Variants in WASHC2C observed in about 807,000 individuals in gnomAD.
WASHC2C encodes the protein WASH complex subunit 2C, also known as Vaccinia Penetration Factor.
Under a neutral mutation model 142.2 loss-of-function variants are expected in WASHC2C, and 73 were observed. The ratio of observed to expected loss-of-function variants is 0.51; its 90% CI spans 0.43 to 0.62. The LOEUF (loss-of-function observed/expected upper bound fraction) is 0.62. Among genes scored for constraint, WASHC2C ranks in the 20% least tolerant of loss-of-function variants. WASHC2C has a pLI of 0.00. For synonymous variants in WASHC2C, 337 were observed against 565.5 expected, an observed-to-expected ratio of 0.60 and a Z score of 5.73; for missense variants, 969 against 1,531.7, an observed-to-expected ratio of 0.63 and a Z score of 6.13.
rs1277228855 is a variant in WASHC2C at position 45,792,628 on chromosome 10, A to T, written c.*228A>T. ...TTGGTTTGTTTTGTTTTTAAACCAC[A>T]GTTTGATTTAGTTAGCCTTGCTGGG... On this transcript the variant is annotated 3_prime_UTR_variant, in exon 31 of 31. Coordinates refer to ENST00000623400, the MANE Select transcript of WASHC2C (RefSeq NM_001330074.2). The T allele has an allele frequency of 3.5e-6, 2 of 574,494 alleles. No individual in the cohort carries two copies. The highest frequency in any genetic ancestry group is 6.4e-6 in the Non-Finnish European group (2 of 313,004). 35.6% of individuals were successfully genotyped at this position (574,494 alleles called of 1,614,324 possible). A position where few individuals can be genotyped will look rare whatever the true frequency, so the allele number is the denominator to read the frequency against.
chr10:45,752,732 T>C, intron 12 of WASHC2C, 26 bp downstream of exon 12: 1 of 1,597,110 alleles, frequency 6.3e-7, no homozygotes, highest in Non-Finnish European at 8.5e-7. Flanking sequence ...CCAGCAACAC[T>C]CCCTGCAGCT....
At chr10:45,758,418 T>A (rs538663454) in intron 16 of WASHC2C, among the ~76,000 whole-genome samples, 1 of 152,288 alleles carries the variant, frequency 6.6e-6, no homozygotes, top group African/African-American at 2.4e-5. Flanking sequence ...ACTGATGATC[T>A]TTTCTTGACT....
chr10:45,759,651 T>A (rs1267940008), intron 17 of WASHC2C, among the ~76,000 whole-genome samples: 2 of 152,030 alleles, frequency 1.3e-5, no homozygotes, highest in Non-Finnish European at 1.5e-5. Flanking sequence ...AAACCCTGTC[T>A]CTATTAAAAA....
At position 45,790,510 on chromosome 10, in the gene WASHC2C, A is replaced by G; in HGVS notation, c.3863A>G (p.Lys1288Arg). 5 of 1,611,572 alleles carry G rather than the reference A, an allele frequency of 3.1e-6. No homozygotes were observed. In the South Asian group the frequency reaches 5.5e-5, roughly 18 times the overall value. The change falls in exon 30 of 31, where the codon AAG becomes AGG. Residue 1288 changes from lysine to arginine, a missense_variant. By Grantham distance (26) the Lys-to-Arg change is conservative (BLOSUM62 2). Coordinates refer to ENST00000623400, the MANE Select transcript of WASHC2C (RefSeq NM_001330074.2). ...AAGTCCAAAAAGAAAGTGGAAGCCA[A>G]GTCTATATTTGATGATGATATGGGT... Reference protein sequence around the residue: ...KEKSKKKVEAKSIFDDDMDDI... With the variant: ...KEKSKKKVEARSIFDDDMDDI...
intron 20 of WASHC2C, 121 bp downstream of exon 20, chr10:45,769,739 G>A: frequency 2.9e-6 from 4 of 1,356,948 alleles, no homozygotes; most frequent in Middle Eastern, 2.7e-4. Flanking sequence ...GATTGTGCCA[G>A]TGAGAATGTC....
At chr10:45,759,791 T>C (rs1330563796) in intron 17 of WASHC2C, among the ~76,000 whole-genome samples, 13 of 152,256 alleles carry the variant, frequency 8.5e-5, no homozygotes, top group East Asian at 1.9e-4. Flanking sequence ...TGCACTCCAG[T>C]CTAGGCGACA....
chr10:45,749,562 C>T (rs1424060806), intron 8 of WASHC2C, among the ~76,000 whole-genome samples: 95 of 150,830 alleles, frequency 6.3e-4, no homozygotes, highest in Non-Finnish European at 7.1e-4. Context: ...TGGTGGCTCA[C>T]GCCTGTAATC....
At chr10:45,761,832 G>C (rs1244976845) in intron 17 of WASHC2C, among the ~76,000 whole-genome samples, 1 of 152,074 alleles carries the variant, frequency 6.6e-6, no homozygotes, top group Non-Finnish European at 1.5e-5. Context: ...CCTTTCTCTT[G>C]CCATTGTGTA....
intron 25 of WASHC2C, 148 bp downstream of exon 25, chr10:45,785,049 T>G (rs188798058): frequency 6.4e-7 from 1 of 1,563,510 alleles, no homozygotes; most frequent in Non-Finnish European, 8.7e-7. Context: ...GAGGGGAGCG[T>G]GTGTGGAGGA....
intron 23 of WASHC2C, among the ~76,000 whole-genome samples, chr10:45,784,271 T>TATATATATATACACACACACAC (rs2057795142): frequency 4.6e-4 from 4 of 8,724 alleles, no homozygotes; most frequent in Non-Finnish European, 1.0e-3. Flanking sequence ...TATATATATA[T>TATATATATATACACACACACAC]ATATATATAT....
intron 17 of WASHC2C, among the ~76,000 whole-genome samples, chr10:45,761,422 G>T (rs1260116675): frequency 6.6e-6 from 1 of 152,160 alleles, no homozygotes; most frequent in Non-Finnish European, 1.5e-5. Context: ...ATGGGGAGAG[G>T]CCATAGGCTC....
intron 22 of WASHC2C, 103 bp downstream of exon 22, chr10:45,777,528 A>G (rs1261839908): frequency 2.7e-6 from 4 of 1,482,062 alleles, no homozygotes; most frequent in African/African-American, 1.4e-5. Flanking sequence ...TAAATGGCCC[A>G]TTTGTAGACA....
At chr10:45,776,708 TG>T (rs1451555470) in intron 21 of WASHC2C, among the ~76,000 whole-genome samples, 23 of 96,814 alleles carry the variant, frequency 2.4e-4, no homozygotes, top group Non-Finnish European at 3.9e-4. Context: ...GCTTGAAGGA[TG>T]GGGAGGATTT....
At chr10:45,784,271 T>TATATATATATATATATACACACACACAC (rs1564819755) in intron 23 of WASHC2C, among the ~76,000 whole-genome samples, 25 of 8,718 alleles carry the variant, frequency 2.9e-3, no homozygotes, top group Middle Eastern at 0.045. Context: ...TATATATATA[T>TATATATATATATATATACACACACACAC]ATATATATAT....
rs1554890587 is a variant in WASHC2C at position 45,787,141 on chromosome 10, G to A, written c.2981G>A (p.Arg994Lys). Residue 994 changes from arginine (R) to lysine (K), a missense_variant, in exon 28 of 31, where the codon AGA (arginine) becomes AAA (lysine). By Grantham distance (26) the Arg-to-Lys change is conservative. Transcript: ENST00000623400. ...PELAFPSSEH[R>K]RSHGLESVPV... ...TTGGCTTTTCCTTCATCTGAACACA[G>A]AAGGAGCCACGGTCTGGAAAGTGTG... The A allele has an allele frequency of 1.9e-6, 3 of 1,585,734 alleles. No individual in the cohort carries two copies. The highest frequency in any genetic ancestry group is 2.6e-6 in the Non-Finnish European group (3 of 1,162,614).
At chr10:45,758,424 T>C (rs2054599393) in intron 16 of WASHC2C, among the ~76,000 whole-genome samples, 1 of 152,176 alleles carries the variant, frequency 6.6e-6, no homozygotes, top group Non-Finnish European at 1.5e-5. Flanking sequence ...GATCTTTTCT[T>C]GACTCAGTTA....
intron 28 of WASHC2C, among the ~76,000 whole-genome samples, chr10:45,788,528 C>G (rs1353036298): frequency 2.0e-5 from 3 of 151,730 alleles, no homozygotes; most frequent in Non-Finnish European, 2.9e-5. Context: ...GAGTAGGGGC[C>G]AAGGGAGGGG....
intron 5 of WASHC2C, among the ~76,000 whole-genome samples, chr10:45,742,596 A>G (rs1342297061): frequency 2.0e-5 from 3 of 152,212 alleles, no homozygotes; most frequent in African/African-American, 7.2e-5. Flanking sequence ...GATTACAGGC[A>G]TGAGCCACTG....
At position 45,738,046 on chromosome 10, in the gene WASHC2C, G is replaced by T. The variant is rs1176163527; in HGVS notation, c.354+1G>T. Reference sequence around the variant, plus strand: ...GGCTGAGGCAGAAAAAACAGAGCAGGTACTTGTATAAAATCACTCTTAGCT... The same window carrying T: ...GGCTGAGGCAGAAAAAACAGAGCAGTTACTTGTATAAAATCACTCTTAGCT... On this transcript the variant is annotated splice_donor_variant, in intron 4 of 30. Transcript: ENST00000623400. LOFTEE classifies it high-confidence loss of function. The T allele has an allele frequency of 6.2e-7, 1 of 1,611,538 alleles. No homozygotes were observed. The highest frequency in any genetic ancestry group is 8.5e-7 in the Non-Finnish European group (1 of 1,179,760).
Sources: allele counts gnomAD v4.1 joint callset (sites outside exome capture counted in the v4.1 genomes callset), GRCh38; gene constraint gnomAD v4.1.1; transcripts MANE v1.5; gene names NCBI Gene and HGNC (gene_info 2026-07-23, HGNC 2026-07-21).